The following DCDC1 variants were observed in gnomAD, a reference collection of about 807,000 sequenced individuals.
The protein encoded by DCDC1 is doublecortin domain-containing protein 1.
DCDC1 carries 200 observed loss-of-function variants against 178.3 expected under a neutral mutation model. The observed-to-expected ratio is 1.12, with a 90% CI of 1.00 to 1.26. The LOEUF (loss-of-function observed/expected upper bound fraction) is 1.26. Among genes scored for constraint, DCDC1 ranks in the 50% most tolerant of loss-of-function variants. The pLI, the probability that DCDC1 is intolerant of heterozygous loss-of-function variation, is 0.00. For synonymous variants in DCDC1, 690 were observed against 604.8 expected (o/e 1.14, Z -2.07); for missense variants, 1,983 against 1,749.2 (o/e 1.13, Z -2.38).
intron 36 of DCDC1, among the ~76,000 whole-genome samples, chr11:30,888,330 A>C (rs909831608): frequency 6.6e-6 from 1 of 152,220 alleles, no homozygotes; most frequent in Non-Finnish European, 1.5e-5. Context: ...TCTGCTCTAA[A>C]AGAATGTAAC....
At chr11:31,210,774 A>G (rs1972436566) in intron 9 of DCDC1, among the ~76,000 whole-genome samples, 1 of 152,082 alleles carries the variant, frequency 6.6e-6, no homozygotes, top group African/African-American at 2.4e-5. Flanking sequence ...GAATGGACCA[A>G]GCACTGTTCC....
At chr11:30,925,538 G>C in intron 22 of DCDC1, 130 bp from the exon 23 acceptor site, 1 of 768,066 alleles carries the variant, frequency 1.3e-6, no homozygotes, top group Non-Finnish European at 2.1e-6. Context: ...GTCATGAGCT[G>C]GACTCTGGGG....
intron 21 of DCDC1, among the ~76,000 whole-genome samples, chr11:30,944,554 A>G (rs1443826002): frequency 6.6e-6 from 1 of 151,936 alleles, no homozygotes; most frequent in African/African-American, 2.4e-5. Context: ...TGTTCTGCTA[A>G]AAAAAAATCA....
At chr11:30,952,696 C>G (rs1018874100) in intron 20 of DCDC1, 128 bp from the exon 21 acceptor site, 1 of 413,946 alleles carries the variant, frequency 2.4e-6, no homozygotes, top group African/African-American at 2.0e-5. Context: ...AAACCCAAAT[C>G]TGAAAATTTG....
At chr11:31,369,207 T>C (rs1028275235) in intron 1 of DCDC1, among the ~76,000 whole-genome samples, 1 of 152,186 alleles carries the variant, frequency 6.6e-6, no homozygotes, top group African/African-American at 2.4e-5. Context: ...CTTGTCTCAC[T>C]GGGTTGAAAT....
At chr11:30,955,101 A>AT (rs1948690710) in intron 20 of DCDC1, among the ~76,000 whole-genome samples, 1 of 152,126 alleles carries the variant, frequency 6.6e-6, no homozygotes, top group Admixed American at 6.5e-5. Context: ...ATTTTATTTT[A>AT]TTTTTTGGAA....
intron 20 of DCDC1, among the ~76,000 whole-genome samples, chr11:31,059,373 CA>C (rs1302529372): frequency 6.6e-6 from 1 of 151,888 alleles, no homozygotes; most frequent in Non-Finnish European, 1.5e-5. Flanking sequence ...CTTTTCTAAT[CA>C]AAAAACAAAA....
chr11:31,210,961 C>T (rs1591415620), intron 9 of DCDC1, among the ~76,000 whole-genome samples: 1 of 152,294 alleles, frequency 6.6e-6, no homozygotes, highest in Middle Eastern at 3.4e-3. Context: ...ACCCTGGAAT[C>T]TATTCTTTTT....
chr11:31,132,283 T>C (rs1962537930), intron 10 of DCDC1, among the ~76,000 whole-genome samples: 1 of 152,224 alleles, frequency 6.6e-6, no homozygotes, highest in Non-Finnish European at 1.5e-5. Context: ...CTTTACATAT[T>C]CATAAGGTCT....
chr11:30,981,742 A>G, intron 20 of DCDC1, among the ~76,000 whole-genome samples: 1 of 152,318 alleles, frequency 6.6e-6, no homozygotes, highest in African/African-American at 2.4e-5. Context: ...TCCCTAGCTA[A>G]TAAAGATCTG....
chr11:31,315,697 C>A (rs1213240674), intron 3 of DCDC1, among the ~76,000 whole-genome samples: 1 of 119,954 alleles, frequency 8.3e-6, no homozygotes, highest in East Asian at 2.3e-4. Flanking sequence ...GGTACATGTG[C>A]ATATTGTGCA....
intron 23 of DCDC1, among the ~76,000 whole-genome samples, chr11:30,924,620 T>A (rs564732675): frequency 6.6e-6 from 1 of 152,254 alleles, no homozygotes; most frequent in South Asian, 2.1e-4. Flanking sequence ...AATTACCATT[T>A]AGTAAAAAAC....
intron 17 of DCDC1, among the ~76,000 whole-genome samples, chr11:31,081,436 C>T (rs1957161458): frequency 6.6e-6 from 1 of 151,944 alleles, no homozygotes; most frequent in African/African-American, 2.4e-5. Context: ...GGTGAAACCT[C>T]GTCTCTACTA....
intron 3 of DCDC1, among the ~76,000 whole-genome samples, chr11:31,321,290 T>TGCTAGCAATCAGCGAGATTCCGTGG (rs1413760105): frequency 7.9e-5 from 8 of 101,720 alleles, no homozygotes; most frequent in African/African-American, 3.2e-4. Flanking sequence ...CAGACTGCTG[T>TGCTAGCAATCAGCGAGATTCCGTGG]GCTAGCAATC....
chr11:31,232,472 A>C (rs1975901640), intron 9 of DCDC1, among the ~76,000 whole-genome samples: 2 of 151,978 alleles, frequency 1.3e-5, no homozygotes, highest in East Asian at 3.9e-4. Flanking sequence ...CTTTAATCCT[A>C]TTCACTCTAA....
intron 20 of DCDC1, among the ~76,000 whole-genome samples, chr11:31,031,065 T>C (rs1396623850): frequency 6.6e-6 from 1 of 152,200 alleles, no homozygotes; most frequent in Non-Finnish European, 1.5e-5. Flanking sequence ...TCTGATGAAT[T>C]ATTTTCAGAT....
At chr11:31,184,855 T>A (rs1263350518) in intron 9 of DCDC1, among the ~76,000 whole-genome samples, 1 of 151,246 alleles carries the variant, frequency 6.6e-6, no homozygotes, top group Non-Finnish European at 1.5e-5. Context: ...GGAAGACAGA[T>A]CCTCAAGGAT....
At chr11:31,131,716 G>A (rs2135960684) in intron 10 of DCDC1, among the ~76,000 whole-genome samples, 1 of 152,286 alleles carries the variant, frequency 6.6e-6, no homozygotes, top group South Asian at 2.1e-4. Flanking sequence ...AGCATCATGT[G>A]ATTTAGGAAG....
chr11:31,163,331 GA>G (rs1370658304), intron 9 of DCDC1, among the ~76,000 whole-genome samples: 3 of 152,186 alleles, frequency 2.0e-5, no homozygotes, highest in Admixed American at 1.3e-4. Context: ...AATGTGGTGA[GA>G]GGGGCAGTTT....
Sources: allele counts gnomAD v4.1 joint callset (sites outside exome capture counted in the v4.1 genomes callset), GRCh38; gene constraint gnomAD v4.1.1; transcripts MANE v1.5; gene names NCBI Gene and HGNC (gene_info 2026-07-23, HGNC 2026-07-21).